SERINC2: variants seen among roughly 807,000 people sequenced by gnomAD.
SERINC2 encodes the protein tumor differentially expressed protein 2.
SERINC2 carries 56 observed loss-of-function variants against 54.2 expected under a neutral mutation model. The ratio of observed to expected loss-of-function variants is 1.03; its 90% CI spans 0.83 to 1.29. SERINC2 has a LOEUF of 1.29. Ranked by LOEUF, SERINC2 falls within the 50% of genes most tolerant of loss-of-function variation. SERINC2 has a pLI of 0.00. For missense variants in SERINC2, 614 were observed against 607.4 expected, an observed-to-expected ratio of 1.01 and a Z score of -0.12; for synonymous variants, 272 against 253.1, an observed-to-expected ratio of 1.07 and a Z score of -0.71.
At chr1:31,414,422 T>C in intron 1 of SERINC2, 1 of 521,512 alleles carries the variant, frequency 1.9e-6, no homozygotes, top group Non-Finnish European at 2.1e-6. Context: ...CCTGACGGGT[T>C]GTGTGTGTGT....
chr1:31,416,887 T>C (rs1640793735), intron 1 of SERINC2, among the ~76,000 whole-genome samples: 2 of 152,070 alleles, frequency 1.3e-5, no homozygotes, highest in African/African-American at 4.8e-5. Flanking sequence ...GCCTGGCTAA[T>C]TTTTGTGTTT....
chr1:31,423,545 C>G, intron 1 of SERINC2, 148 bp from the exon 2 acceptor site: 1 of 788,292 alleles, frequency 1.3e-6, no homozygotes, highest in Non-Finnish European at 2.0e-6. Context: ...GCCTCCCTCT[C>G]GGACCTGAAA....
intron 8 of SERINC2, 134 bp from the exon 9 acceptor site, chr1:31,432,833 G>C (rs1300717443): frequency 1.1e-5 from 7 of 659,890 alleles, no homozygotes; most frequent in South Asian, 1.9e-5. Flanking sequence ...GTAGAGTTGA[G>C]AGGCAAAGCA....
chr1:31,413,716 G>T lies in SERINC2; in HGVS notation c.39+412G>T, dbSNP rs549337619. 63 of 1,219,552 alleles carry T rather than the reference G, an allele frequency of 5.2e-5. No homozygotes were observed. The highest frequency in any genetic ancestry group is 8.6e-5 in the South Asian group (3 of 34,710). 75.5% of individuals were successfully genotyped at this position (1,219,552 alleles called of 1,614,324 possible). A position where few individuals can be genotyped will look rare whatever the true frequency, so the allele number is the denominator to read the frequency against. On this transcript the variant is annotated intron_variant, in intron 1 of 9. Transcript: ENST00000373709. This position sits in a 1 kb window ranked among gnomAD's most constrained non-coding sequence, Gnocchi z 5.0. ...GACGCCCTGGTTCTCTGTGTAGGTC[G>T]CCCGGGCCCCGTCCCTCCTGGCGAG...
At chr1:31,415,965 G>T (rs1640771392) in intron 1 of SERINC2, 4 of 950,852 alleles carry the variant, frequency 4.2e-6, no homozygotes, top group Non-Finnish European at 5.0e-6. Flanking sequence ...GGGCCACCAG[G>T]CAAGCCGCCG....
chr1:31,412,566 G>A (rs1640669402), upstream of SERINC2, among the ~76,000 whole-genome samples: 1 of 152,184 alleles, frequency 6.6e-6, no homozygotes, highest in South Asian at 2.1e-4. Context: ...CTACTCAGGA[G>A]CCTGAAGCAG....
intron 8 of SERINC2, among the ~76,000 whole-genome samples, chr1:31,432,002 A>ATAGGGTGGATAGGGTGGT (rs1641256581): frequency 1.0e-5 from 1 of 97,974 alleles, no homozygotes; most frequent in Non-Finnish European, 2.0e-5. Context: ...GATAGGGTGG[A>ATAGGGTGGATAGGGTGGT]TAGGGTGGAT....
rs782098823 is a variant in SERINC2, at chr1:31,425,892, G to T, written c.589G>T (p.Asp197Tyr). 6.2e-7 allele frequency: 1 copy of T among 1,612,396 alleles called. No homozygotes were observed. Reference protein sequence around the residue: ...QRWLGKAEECDSRAWYAGLFF... With the variant: ...QRWLGKAEECYSRAWYAGLFF... ...GTGGCTGGGCAAGGCCGAGGAGTGC[G>T]ATTCCCGTGCCTGGTACGCAGGTCA... The change falls in exon 5 of 10, where the codon GAT (aspartate) becomes TAT (tyrosine). Residue 197 changes from aspartate (D) to tyrosine (Y), a missense_variant. Physicochemically the swap from Asp to Tyr is radical, Grantham distance 160 (BLOSUM62 -3). Transcript: ENST00000373709.
intron 1 of SERINC2, among the ~76,000 whole-genome samples, chr1:31,417,216 C>A (rs1485176182): frequency 1.3e-5 from 2 of 152,158 alleles, no homozygotes; most frequent in Non-Finnish European, 2.9e-5. Flanking sequence ...TCCCTTCCCC[C>A]AAAGATACCA....
chr1:31,417,183 C>A (rs1221996035), intron 1 of SERINC2, among the ~76,000 whole-genome samples: 1 of 152,240 alleles, frequency 6.6e-6, no homozygotes, highest in Non-Finnish European at 1.5e-5. Flanking sequence ...ATCTGGATTA[C>A]TGACAACAGC....
intron 1 of SERINC2, among the ~76,000 whole-genome samples, chr1:31,420,603 C>T (rs1485222669): frequency 3.3e-5 from 5 of 152,172 alleles, no homozygotes; most frequent in African/African-American, 9.7e-5. Flanking sequence ...AGTGAATTAG[C>T]GAGCTGGAAC....
In SERINC2 at chr1:31,429,526, C is replaced by A. The variant is rs1199883254; in HGVS notation, c.1001C>A (p.Thr334Asn). The A allele has an allele frequency of 1.9e-6, 3 of 1,609,980 alleles. No individual in the cohort carries two copies. In the African/African-American group the frequency reaches 4.0e-5, roughly 22 times the overall value. The change falls in exon 8 of 10, where the codon ACC becomes AAC. Residue 334 changes from threonine (T) to asparagine (N), a missense_variant. Physicochemically the swap from Thr to Asn is moderately conservative, Grantham distance 65. Coordinates refer to ENST00000373709, the MANE Select transcript of SERINC2 (RefSeq NM_178865.5). ...IVGLIIFLLC[T>N]LFISLRSSDH... is the part of the protein sequence containing the mutation. ...GGCCTCATCATCTTCCTCCTGTGCACCCTCTTCATCAGGTATGGCCAGGTC... is the reference window on the plus strand; with the variant it reads ...GGCCTCATCATCTTCCTCCTGTGCAACCTCTTCATCAGGTATGGCCAGGTC...
At chr1:31,431,965 G>C (rs1553134623) in intron 8 of SERINC2, among the ~76,000 whole-genome samples, 2 of 128,462 alleles carry the variant, frequency 1.6e-5, no homozygotes, top group Admixed American at 7.6e-5. Context: ...GGTTAGGGTG[G>C]ATAGGGTGGA....
At chr1:31,423,974 C>T (rs1380194674) in intron 2 of SERINC2, 120 bp downstream of exon 2, 1 of 905,358 alleles carries the variant, frequency 1.1e-6, no homozygotes, top group Non-Finnish European at 1.7e-6. Flanking sequence ...TTTGGGTGCA[C>T]TGATGATCTG....
At position 31,426,823 on chromosome 1, in the gene SERINC2, G is replaced by T. The variant is rs1641057335; in HGVS notation, c.780G>T (p.Gln260His). Reference protein sequence around the residue: ...VSIAAVLPKVQDAQPNSGLLQ... With the variant: ...VSIAAVLPKVHDAQPNSGLLQ... ...TCGCTGCTGTCCTGCCCAAGGTCCA[G>T]GTGAGCCTGCCTGACCCCCCCTGGC... Residue 260 changes from glutamine to histidine, a missense_variant and splice_region_variant, in exon 6 of 10, where the codon CAG becomes CAT. Physicochemically the swap from Gln to His is conservative, Grantham distance 24. Coordinates refer to ENST00000373709, the MANE Select transcript of SERINC2 (RefSeq NM_178865.5). The T allele has an allele frequency of 1.2e-6, 2 of 1,612,414 alleles. No individual in the cohort carries two copies. The highest frequency in any genetic ancestry group is 1.3e-5 in the African/African-American group (1 of 74,896).
chr1:31,433,281 G>C, intron 9 of SERINC2, 96 bp downstream of exon 9: 3 of 1,051,060 alleles, frequency 2.9e-6, no homozygotes, highest in Admixed American at 3.7e-5. Context: ...CCTGATGTCT[G>C]CTTAAGGCTT....
intron 1 of SERINC2, among the ~76,000 whole-genome samples, chr1:31,423,238 G>A (rs1478667659): frequency 1.3e-5 from 2 of 152,216 alleles, no homozygotes; most frequent in African/African-American, 4.8e-5. Flanking sequence ...GCCCAAGGGG[G>A]CTACAATGTG....
intron 8 of SERINC2, among the ~76,000 whole-genome samples, chr1:31,431,820 G>A (rs1641228233): frequency 1.5e-5 from 2 of 131,160 alleles, no homozygotes; most frequent in African/African-American, 5.9e-5. Context: ...TGGACAGGGT[G>A]GATAGGGTGG....
chr1:31,413,720 G>T lies in SERINC2; in HGVS notation c.39+416G>T. 1 of 1,260,422 alleles carries T rather than the reference G, an allele frequency of 7.9e-7. No homozygotes were observed. Among genetic ancestry groups the T allele is most frequent in the Non-Finnish European group, 1.0e-6 (1 of 1,000,946 alleles). 78.1% of individuals were successfully genotyped at this position (1,260,422 alleles called of 1,614,324 possible). A position where few individuals can be genotyped will look rare whatever the true frequency, so the allele number is the denominator to read the frequency against. On this transcript the variant is annotated intron_variant, in intron 1 of 9. Coordinates refer to ENST00000373709, the MANE Select transcript of SERINC2 (RefSeq NM_178865.5). This position sits in a 1 kb window ranked among gnomAD's most constrained non-coding sequence, Gnocchi z 5.0. ...CCCTGGTTCTCTGTGTAGGTCGCCC[G>T]GGCCCCGTCCCTCCTGGCGAGTGCC...
Sources: allele counts gnomAD v4.1 joint callset (sites outside exome capture counted in the v4.1 genomes callset), GRCh38; gene constraint gnomAD v4.1.1; non-coding constraint Gnocchi (gnomAD v3.1); transcripts MANE v1.5; gene names NCBI Gene and HGNC (gene_info 2026-07-23, HGNC 2026-07-21).